The following HECW2 variants were observed in gnomAD, a reference collection of about 807,000 sequenced individuals.
HECW2 encodes the protein E3 ubiquitin-protein ligase HECW2.
In HECW2, 61 loss-of-function variants were observed where a neutral mutation model predicts 175.2. The observed-to-expected ratio is 0.35, with a 90% CI of 0.28 to 0.43. The LOEUF is 0.43. HECW2 is among the 20% of genes least tolerant of loss of function. The pLI is 1.00. For synonymous variants in HECW2, 671 were observed against 731.0 expected (o/e 0.92, Z 1.32); for missense variants, 1,524 against 2,000.5 (o/e 0.76, Z 4.54).
At chr2:196,385,746 C>T (rs759033936) in intron 2 of HECW2, among the ~76,000 whole-genome samples, 39 of 152,142 alleles carry the variant, frequency 2.6e-4, no homozygotes, top group Non-Finnish European at 4.4e-4. Context: ...CTGTAAAGTG[C>T]AATATAAATG....
intron 28 of HECW2, among the ~76,000 whole-genome samples, chr2:196,207,585 G>A (rs1687115445): frequency 6.6e-6 from 1 of 152,138 alleles, no homozygotes; most frequent in Non-Finnish European, 1.5e-5. Flanking sequence ...GAAATTCTAT[G>A]GTGCTTGCTA....
At chr2:196,225,565 G>A (rs554773405) in intron 23 of HECW2, among the ~76,000 whole-genome samples, 11 of 152,184 alleles carry the variant, frequency 7.2e-5, no homozygotes, top group African/African-American at 2.6e-4. Flanking sequence ...CTAAAAATCT[G>A]GGGGCTAAAT....
intron 1 of HECW2, among the ~76,000 whole-genome samples, chr2:196,443,935 T>C (rs923795397): frequency 2.0e-5 from 3 of 152,096 alleles, no homozygotes; most frequent in African/African-American, 7.2e-5. Context: ...CTTGGGAGGC[T>C]GAAGTGGGAG....
chr2:196,357,805 T>C (rs990009492), intron 2 of HECW2, among the ~76,000 whole-genome samples: 2 of 152,170 alleles, frequency 1.3e-5, no homozygotes, highest in Admixed American at 6.5e-5. Context: ...TTCTCTCTCC[T>C]GCCACCTTGC....
intron 28 of HECW2, among the ~76,000 whole-genome samples, chr2:196,213,728 A>C (rs1308256985): frequency 6.6e-6 from 1 of 152,216 alleles, no homozygotes; most frequent in African/African-American, 2.4e-5. Flanking sequence ...ATAATGAAGA[A>C]TACCACCATT....
chr2:196,551,179 A>G (rs1368737730), intron 1 of HECW2, among the ~76,000 whole-genome samples: 3 of 152,220 alleles, frequency 2.0e-5, no homozygotes, highest in Admixed American at 6.5e-5. Flanking sequence ...CATAGGCTAC[A>G]TAAGTTTAGA....
chr2:196,368,852 T>C (rs1450602546), intron 2 of HECW2, among the ~76,000 whole-genome samples: 2 of 152,164 alleles, frequency 1.3e-5, no homozygotes, highest in African/African-American at 2.4e-5. Context: ...GTTTAACTTA[T>C]CTGATAGGAT....
chr2:196,438,257 G>T (rs981070657), intron 1 of HECW2, among the ~76,000 whole-genome samples: 1 of 152,138 alleles, frequency 6.6e-6, no homozygotes, highest in Non-Finnish European at 1.5e-5. Flanking sequence ...AACCAGCACT[G>T]TCCAATTGAA....
chr2:196,436,877 T>C (rs1465033525), intron 1 of HECW2, among the ~76,000 whole-genome samples: 1 of 152,168 alleles, frequency 6.6e-6, no homozygotes, highest in African/African-American at 2.4e-5. Flanking sequence ...CAATGGCACT[T>C]TATATACATG....
chr2:196,432,289 A>T (rs1400971910), intron 2 of HECW2, among the ~76,000 whole-genome samples: 2 of 152,066 alleles, frequency 1.3e-5, no homozygotes, highest in Non-Finnish European at 2.9e-5. Context: ...TACAACTTAC[A>T]TTGAAAGCAA....
intron 21 of HECW2, chr2:196,239,558 T>A (rs1688372963): frequency 6.6e-6 from 1 of 152,182 alleles, no homozygotes; most frequent in African/African-American, 2.4e-5. Context: ...CTAATATACT[T>A]TATTCCCAGG....
At chr2:196,357,856 G>T (rs571830531) in intron 2 of HECW2, among the ~76,000 whole-genome samples, 8 of 152,252 alleles carry the variant, frequency 5.3e-5, no homozygotes, top group Non-Finnish European at 1.2e-4. Flanking sequence ...TGCCATGATC[G>T]TAAGTTTCCT....
chr2:196,405,968 C>T (rs1694956494), intron 2 of HECW2, among the ~76,000 whole-genome samples: 1 of 152,156 alleles, frequency 6.6e-6, no homozygotes, highest in Non-Finnish European at 1.5e-5. Flanking sequence ...CTTGATTATC[C>T]CCTACTTTCT....
intron 4 of HECW2, chr2:196,331,193 T>C (rs1357322313): frequency 1.0e-6 from 1 of 985,454 alleles, no homozygotes; most frequent in Non-Finnish European, 1.2e-6. Flanking sequence ...TATCTGTTTT[T>C]CCTTCCATCT....
intron 2 of HECW2, among the ~76,000 whole-genome samples, chr2:196,353,609 T>C (rs989964252): frequency 2.0e-5 from 3 of 152,206 alleles, no homozygotes; most frequent in Non-Finnish European, 4.4e-5. Flanking sequence ...GGCGAATCCC[T>C]GATGAAATGC....
chr2:196,357,047 A>T (rs537795553), intron 2 of HECW2, among the ~76,000 whole-genome samples: 4 of 152,332 alleles, frequency 2.6e-5, no homozygotes, highest in African/African-American at 7.2e-5. Flanking sequence ...TCATTAAAGG[A>T]TTTAAAGCAG....
In HECW2 at chr2:196,198,843, G is replaced by A. The variant is rs1471964008; in HGVS notation, c.*2434C>T. Reference sequence around the variant, plus strand: ...GAAAGAATAATAGATAAGTTAGCATGGTGTTCTGATATGATAAGTACATCT... The same window carrying A: ...GAAAGAATAATAGATAAGTTAGCATAGTGTTCTGATATGATAAGTACATCT... On this transcript the variant is annotated 3_prime_UTR_variant, in exon 29 of 29. Transcript: ENST00000644978. 1 of 152,068 alleles carries A rather than the reference G, an allele frequency of 6.6e-6. No homozygotes were observed. The highest frequency in any genetic ancestry group is 1.5e-5 in the Non-Finnish European group (1 of 67,992). The allele number at this position is 152,068 out of a possible 1,614,324, so 9.4% of individuals were successfully genotyped here.
rs202064503 is a variant in HECW2 at position 196,278,681 on chromosome 2, A to C, written c.3001-19T>G. 5.4e-5 allele frequency: 87 copies of C among 1,613,674 alleles called. No homozygotes were observed. Among genetic ancestry groups the C allele is most frequent in the Non-Finnish European group, 4.2e-6 (5 of 1,179,724 alleles). On this transcript the variant is annotated intron_variant, in intron 14 of 28. Transcript: ENST00000644978. ...AGAATGCCTAGGATACAATACACTGAGTCAAATACATGCCGCTCACATGTC... is the reference window on the plus strand; with the variant it reads ...AGAATGCCTAGGATACAATACACTGCGTCAAATACATGCCGCTCACATGTC...
At chr2:196,495,358 G>T (rs546527632) in intron 1 of HECW2, among the ~76,000 whole-genome samples, 1 of 152,110 alleles carries the variant, frequency 6.6e-6, no homozygotes, top group Non-Finnish European at 1.5e-5. Context: ...GAGCCACCAC[G>T]CCCTGTCATC....
Sources: gnomAD v4.1 joint callset for allele counts (sites outside exome capture counted in the v4.1 genomes callset) on GRCh38, gnomAD v4.1.1 for gene constraint, MANE v1.5 for transcripts, NCBI Gene and HGNC (gene_info 2026-07-23, HGNC 2026-07-21) for gene names.